The following REV1 variants were observed in gnomAD, a reference collection of about 807,000 sequenced individuals.
The protein encoded by REV1 is REV1 DNA directed polymerase.
A neutral mutation model predicts 137.4 loss-of-function variants in REV1; 42 were observed. That is an observed-to-expected ratio of 0.31 (90% CI 0.24 to 0.40). The LOEUF is 0.40. Ranked by LOEUF, REV1 falls within the 10% of genes least tolerant of loss-of-function variation. REV1 has a pLI of 1.00. For missense variants in REV1, 1,282 were observed against 1,490.1 expected (o/e 0.86, Z 2.30); for synonymous variants, 524 against 519.2 (o/e 1.01, Z -0.12).
chr2:99,487,954 C>T lies in REV1; in HGVS notation c.-11+1863G>A, dbSNP rs1303814747. Among the ~76,000 whole-genome samples the T allele has an allele frequency of 6.7e-5, 8 of 118,692 alleles. 1 individual carries two copies. The highest frequency in any genetic ancestry group is 1.5e-4 in the Non-Finnish European group (8 of 54,590). The allele number at this position is 118,692 out of a possible 152,430, so 77.9% of individuals were successfully genotyped here. ...TCACTAGATGTCTCACGTTTAAGAA[C>T]TGATTTAATCCTCAGCTACCCAAGG... On this transcript the variant is annotated intron_variant, in intron 1 of 22. Coordinates refer to ENST00000258428, the MANE Select transcript of REV1 (RefSeq NM_016316.4).
intron 13 of REV1, among the ~76,000 whole-genome samples, chr2:99,412,356 C>T (rs994597540): frequency 6.6e-6 from 1 of 151,084 alleles, no homozygotes; most frequent in Non-Finnish European, 1.5e-5. Flanking sequence ...CAAAAGCTTG[C>T]ATAAGGAGGG....
chr2:99,467,186 C>A (rs1243098783), intron 1 of REV1, among the ~76,000 whole-genome samples: 8 of 151,708 alleles, frequency 5.3e-5, no homozygotes, highest in Admixed American at 1.3e-4. Context: ...CTGCACAAGG[C>A]CAATAAGAAA....
chr2:99,466,750 A>C (rs954825766), intron 1 of REV1, among the ~76,000 whole-genome samples: 2 of 152,200 alleles, frequency 1.3e-5, no homozygotes, highest in Non-Finnish European at 2.9e-5. Context: ...CTCCGAGAAA[A>C]GGTGGTAAAC....
At chr2:99,469,183 G>A (rs1685135363) in intron 1 of REV1, among the ~76,000 whole-genome samples, 1 of 152,182 alleles carries the variant, frequency 6.6e-6, no homozygotes, top group African/African-American at 2.4e-5. Flanking sequence ...CAGTCTCTAA[G>A]CCCACCTTCA....
At chr2:99,413,264 T>C (rs557496012) in intron 12 of REV1, among the ~76,000 whole-genome samples, 1 of 152,334 alleles carries the variant, frequency 6.6e-6, no homozygotes, top group East Asian at 1.9e-4. Context: ...ATATGTATCT[T>C]AGTCACAAAA....
At chr2:99,453,892 C>CAAAAA (rs58291328) in intron 3 of REV1, among the ~76,000 whole-genome samples, 27 of 47,960 alleles carry the variant, frequency 5.6e-4, no homozygotes, top group African/African-American at 1.7e-3. Context: ...GGCTCTGTCT[C>CAAAAA]AAAAAAAAAA....
In REV1 at chr2:99,412,766, A is replaced by C; in HGVS notation, c.2137T>G (p.Ser713Ala). Residue 713 changes from serine (S) to alanine (A), a missense_variant, in exon 13 of 23, where the codon TCA (serine) becomes GCA (alanine). Ser to Ala is a moderately conservative substitution (Grantham distance 99, BLOSUM62 1). Around this residue, in one of 7 missense-constraint regions of REV1, gnomAD observed 372 missense variants for 482.3 expected, o/e 0.77. Coordinates refer to ENST00000258428, the MANE Select transcript of REV1 (RefSeq NM_016316.4). The stretch of plus-strand genomic sequence containing the variant: ...CTTATTCCATAGTTGATCTCAGCTG[A>C]AACAGATTTTCTTTCCTTTTCAGTT... ...VRTEKERKSV[S>A]AEINYGIRFT... The C allele has an allele frequency of 1.2e-6, 2 of 1,614,168 alleles. No individual in the cohort carries two copies. Among genetic ancestry groups the C allele is most frequent in the South Asian group, 1.1e-5 (1 of 91,086 alleles).
In REV1 at chr2:99,480,577, A is replaced by G. The variant is rs1429056316; in HGVS notation, c.-11+9240T>C. Among the ~76,000 whole-genome samples the G allele has an allele frequency of 5.3e-5, 8 of 152,348 alleles. No homozygotes were observed. In the East Asian group the frequency reaches 1.4e-3, roughly 26 times the overall value. On this transcript the variant is annotated intron_variant, in intron 1 of 22. Coordinates refer to ENST00000258428, the MANE Select transcript of REV1 (RefSeq NM_016316.4). The stretch of plus-strand genomic sequence containing the variant: ...CTTAGCAGAAGTCCTCACCTTGTGC[A>G]TTCCACCCACACAAGTCATTAGATC...
chr2:99,459,563 G>A (rs939886569), intron 3 of REV1, among the ~76,000 whole-genome samples: 1 of 151,926 alleles, frequency 6.6e-6, no homozygotes, highest in African/African-American at 2.4e-5. Context: ...AAAATCAGCT[G>A]GACATGGTGG....
chr2:99,420,052 C>T (rs190519545), intron 11 of REV1, among the ~76,000 whole-genome samples: 1 of 152,148 alleles, frequency 6.6e-6, no homozygotes, highest in East Asian at 1.9e-4. Context: ...CACATGATCA[C>T]TTATAAATGA....
intron 1 of REV1, among the ~76,000 whole-genome samples, chr2:99,473,297 G>A (rs1025655584): frequency 2.0e-5 from 3 of 150,438 alleles, no homozygotes; most frequent in African/African-American, 4.9e-5. Flanking sequence ...GAACCCAGGA[G>A]GCAGAGGTTG....
chr2:99,483,832 T>G (rs927667667), intron 1 of REV1, among the ~76,000 whole-genome samples: 2 of 152,128 alleles, frequency 1.3e-5, no homozygotes, highest in Non-Finnish European at 2.9e-5. Flanking sequence ...TCATCTTATT[T>G]CTCCTCTTTA....
intron 4 of REV1, among the ~76,000 whole-genome samples, chr2:99,442,840 AT>A (rs758950451): frequency 1.3e-5 from 2 of 152,330 alleles, no homozygotes; most frequent in East Asian, 3.9e-4. Context: ...TAAAATAAAA[AT>A]ATAGGACAAA....
intron 12 of REV1, among the ~76,000 whole-genome samples, chr2:99,414,878 T>C (rs1372547261): frequency 3.9e-5 from 6 of 152,244 alleles, no homozygotes; most frequent in South Asian, 2.1e-4. Flanking sequence ...GGAAACCCCA[T>C]AGTTTAAAAT....
chr2:99,482,960 T>C (rs1023432908), intron 1 of REV1, among the ~76,000 whole-genome samples: 3 of 146,402 alleles, frequency 2.0e-5, no homozygotes, highest in African/African-American at 7.7e-5. Context: ...GAGGTTGCAG[T>C]GAACCAAGAT....
At position 99,463,348 on chromosome 2, in the gene REV1, C is replaced by T. The variant is rs1296090097; in HGVS notation, c.55-726G>A. On this transcript the variant is annotated intron_variant, in intron 2 of 22. Transcript: ENST00000258428. ...CAGCCTGACCAACATGGTGAAACCT[C>T]GTCTCTACTAAAAATACAAAATCAG... 4.0e-5 allele frequency among the ~76,000 whole-genome samples: 6 copies of T among 151,776 alleles called. No individual in the cohort carries two copies. In the South Asian group the frequency reaches 1.0e-3, roughly 26 times the overall value.
At chr2:99,468,375 G>C (rs1336218714) in intron 1 of REV1, among the ~76,000 whole-genome samples, 1 of 152,090 alleles carries the variant, frequency 6.6e-6, no homozygotes, top group African/African-American at 2.4e-5. Context: ...ATTTAATCAG[G>C]ATACCACTAC....
At chr2:99,410,918 T>G in intron 13 of REV1, 51 bp from the exon 14 acceptor site, 2 of 1,426,990 alleles carry the variant, frequency 1.4e-6, no homozygotes, top group East Asian at 2.4e-5. Flanking sequence ...CCTATATACC[T>G]AATAATTGTT....
In REV1 at chr2:99,407,250, C is replaced by T. The variant is rs569218535; in HGVS notation, c.2449-760G>A. ...ACTATGAGGCATGCACCACCACACC[C>T]GGCTAATTTTTGTATTTTTAGTAGA... On this transcript the variant is annotated intron_variant, in intron 15 of 22. Coordinates refer to ENST00000258428, the MANE Select transcript of REV1 (RefSeq NM_016316.4). Among the ~76,000 whole-genome samples the T allele has an allele frequency of 8.6e-4, 130 of 151,476 alleles. 1 individual carries two copies. Among genetic ancestry groups the T allele is most frequent in the African/African-American group, 3.0e-3 (123 of 41,320 alleles).
Sources: allele counts gnomAD v4.1 joint callset (sites outside exome capture counted in the v4.1 genomes callset), GRCh38; gene constraint gnomAD v4.1.1; regional missense constraint gnomAD v4.1.1; transcripts MANE v1.5; gene names NCBI Gene and HGNC (gene_info 2026-07-23, HGNC 2026-07-21).